PCP4: variants seen among roughly 807,000 people sequenced by gnomAD.
PCP4 encodes the protein calmodulin regulator protein PCP4.
Under a neutral mutation model 10.0 loss-of-function variants are expected in PCP4, and 8 were observed. The ratio of observed to expected loss-of-function variants is 0.80; its 90% CI spans 0.47 to 1.45. The LOEUF (loss-of-function observed/expected upper bound fraction) is 1.45. Among genes scored for constraint, PCP4 ranks in the 40% most tolerant of loss-of-function variants. The pLI, the probability that PCP4 is intolerant of heterozygous loss-of-function variation, is 0.00. For synonymous variants in PCP4, 21 were observed against 23.0 expected (o/e 0.91, Z 0.24); for missense variants, 54 against 74.4 (o/e 0.73, Z 1.01).
intron 1 of PCP4, among the ~76,000 whole-genome samples, chr21:39,887,107 G>A (rs939755006): frequency 3.9e-5 from 6 of 152,086 alleles, no homozygotes; most frequent in Admixed American, 2.6e-4. Context: ...AATAAATCGT[G>A]GATACCTGAA....
intron 1 of PCP4, among the ~76,000 whole-genome samples, chr21:39,887,161 G>T (rs1049436988): frequency 2.0e-5 from 3 of 152,260 alleles, no homozygotes; most frequent in African/African-American, 7.2e-5. Flanking sequence ...CTGCAGTGAT[G>T]CTAATTAATT....
At chr21:39,879,510 C>A (rs180893058) in intron 1 of PCP4, among the ~76,000 whole-genome samples, 10 of 152,170 alleles carry the variant, frequency 6.6e-5, no homozygotes, top group African/African-American at 1.9e-4. Context: ...AGAGTTCCCC[C>A]ACAGTTGCAT....
At chr21:39,904,086 G>A (rs567258510) in intron 2 of PCP4, among the ~76,000 whole-genome samples, 1 of 152,168 alleles carries the variant, frequency 6.6e-6, no homozygotes, top group East Asian at 1.9e-4. Flanking sequence ...TTATTTTTCT[G>A]CTCTTAAGTA....
intron 2 of PCP4, among the ~76,000 whole-genome samples, chr21:39,920,274 T>G (rs2087590252): frequency 7.9e-6 from 1 of 126,602 alleles, no homozygotes; most frequent in African/African-American, 3.2e-5. Context: ...GTGTGTGTGG[T>G]GTAGTGTGTG....
intron 2 of PCP4, among the ~76,000 whole-genome samples, chr21:39,928,527 C>G (rs1005041312): frequency 4.9e-4 from 74 of 152,306 alleles, no homozygotes; most frequent in African/African-American, 1.7e-3. Flanking sequence ...TTGCAATAAG[C>G]AAATCTTTCC....
At chr21:39,901,343 G>A (rs142403378) in intron 2 of PCP4, among the ~76,000 whole-genome samples, 1,958 of 152,348 alleles carry the variant, frequency 0.013, 138 homozygotes, top group Admixed American at 0.11. Context: ...CTACTGCTCA[G>A]CATGTCTCAT....
chr21:39,928,464 G>A (rs2087635470), intron 2 of PCP4, among the ~76,000 whole-genome samples: 2 of 152,196 alleles, frequency 1.3e-5, no homozygotes, highest in South Asian at 4.1e-4. Flanking sequence ...GTCGAACTGT[G>A]AAGGTCAAAT....
chr21:39,881,338 C>A (rs1178518336), intron 1 of PCP4, among the ~76,000 whole-genome samples: 2 of 152,098 alleles, frequency 1.3e-5, no homozygotes, highest in Non-Finnish European at 1.5e-5. Flanking sequence ...GCACACAGGG[C>A]CAAATAAACT....
intron 1 of PCP4, among the ~76,000 whole-genome samples, chr21:39,877,534 A>T (rs1242727976): frequency 1.4e-5 from 2 of 142,112 alleles, no homozygotes; most frequent in African/African-American, 6.1e-5. Flanking sequence ...CAAAAATTAA[A>T]AAAAAAAAAA....
chr21:39,882,614 A>T (rs777643566), intron 1 of PCP4, among the ~76,000 whole-genome samples: 42 of 152,328 alleles, frequency 2.8e-4, no homozygotes, highest in Non-Finnish European at 4.0e-4. Flanking sequence ...GAAGAACCAC[A>T]TCATCCTCGG....
At chr21:39,905,814 T>C (rs1317629049) in intron 2 of PCP4, among the ~76,000 whole-genome samples, 3 of 152,102 alleles carry the variant, frequency 2.0e-5, no homozygotes, top group Non-Finnish European at 2.9e-5. Flanking sequence ...TTTGGGAGGC[T>C]GAGGCGGGTG....
intron 2 of PCP4, among the ~76,000 whole-genome samples, chr21:39,905,932 C>T (rs1601183471): frequency 1.3e-5 from 2 of 152,246 alleles, no homozygotes; most frequent in South Asian, 4.1e-4. Flanking sequence ...TGCCTGTAGT[C>T]CCAGATACTC....
In PCP4 at chr21:39,889,509, C is replaced by T. The variant is rs561426257; in HGVS notation, c.10-8967C>T. Among the ~76,000 whole-genome samples the T allele has an allele frequency of 1.9e-3, 279 of 148,422 alleles. 2 individuals carry two copies. The highest frequency in any genetic ancestry group is 6.5e-3 in the African/African-American group (262 of 40,344). On this transcript the variant is annotated intron_variant, in intron 1 of 2. Transcript: ENST00000328619. The stretch of plus-strand genomic sequence containing the variant: ...TCGGCTCACTGCAAGCTCCGCCTCC[C>T]GGGTTCACGCCATTCTCCTGCCTTA...
At chr21:39,908,700 G>A (rs1359271744) in intron 2 of PCP4, among the ~76,000 whole-genome samples, 1 of 151,350 alleles carries the variant, frequency 6.6e-6, no homozygotes, top group African/African-American at 2.5e-5. Flanking sequence ...GGGTGGGAGT[G>A]CCCGCGGCTC....
intron 1 of PCP4, among the ~76,000 whole-genome samples, chr21:39,890,292 C>T (rs528260045): frequency 3.9e-5 from 6 of 152,150 alleles, no homozygotes; most frequent in Non-Finnish European, 8.8e-5. Flanking sequence ...ACACTGAAGC[C>T]CAAGACAGAA....
chr21:39,871,759 T>A (rs971134610), intron 1 of PCP4, among the ~76,000 whole-genome samples: 1 of 152,224 alleles, frequency 6.6e-6, no homozygotes, highest in Non-Finnish European at 1.5e-5. Context: ...ATAAAACTTG[T>A]TTCCCCAGTC....
At chr21:39,901,688 T>C (rs2087483025) in intron 2 of PCP4, among the ~76,000 whole-genome samples, 1 of 152,224 alleles carries the variant, frequency 6.6e-6, no homozygotes, top group Non-Finnish European at 1.5e-5. Context: ...TTCTAGATAT[T>C]AAATGATAGT....
intron 2 of PCP4, among the ~76,000 whole-genome samples, chr21:39,910,603 C>T (rs572593889): frequency 6.6e-6 from 1 of 152,254 alleles, no homozygotes; most frequent in South Asian, 2.1e-4. Flanking sequence ...AAGGTTCCTC[C>T]CAGGTAACTC....
chr21:39,917,026 C>T (rs1156509038), intron 2 of PCP4, among the ~76,000 whole-genome samples: 1 of 152,122 alleles, frequency 6.6e-6, no homozygotes, highest in Admixed American at 6.5e-5. Context: ...AAGCAGATCA[C>T]CATGGCACAC....
Sources: allele counts gnomAD v4.1 joint callset (sites outside exome capture counted in the v4.1 genomes callset), GRCh38; gene constraint gnomAD v4.1.1; transcripts MANE v1.5; gene names NCBI Gene and HGNC (gene_info 2026-07-23, HGNC 2026-07-21).